Variants in AGBL1 observed in about 807,000 individuals in gnomAD.
AGBL1 encodes cytosolic carboxypeptidase 4.
A neutral mutation model predicts 118.9 loss-of-function variants in AGBL1; 130 were observed. The observed-to-expected ratio is 1.09, with a 90% CI of 0.95 to 1.26. AGBL1 has a LOEUF of 1.26. Ranked by LOEUF, AGBL1 falls within the 50% of genes most tolerant of loss-of-function variation. The pLI is 0.00. For synonymous variants in AGBL1, 555 were observed against 478.9 expected (o/e 1.16, Z -2.08); for missense variants, 1,584 against 1,298.1 (o/e 1.22, Z -3.38).
chr15:86,163,647 A>G (rs12901360), intron 5 of AGBL1, among the ~76,000 whole-genome samples: 152,188 of 152,192 alleles, frequency 1, 76,092 homozygotes, highest in Middle Eastern at 1. Context: ...AGAATCACTC[A>G]AACCCAGGAG....
intron 21 of AGBL1, among the ~76,000 whole-genome samples, chr15:86,671,734 A>G (rs2085749470): frequency 6.6e-6 from 1 of 152,202 alleles, no homozygotes; most frequent in Non-Finnish European, 1.5e-5. Context: ...ACCCAAACCC[A>G]GAGAAGTCAA....
intron 1 of AGBL1, among the ~76,000 whole-genome samples, chr15:86,121,642 G>A (rs1679335565): frequency 6.6e-6 from 1 of 152,200 alleles, no homozygotes; most frequent in African/African-American, 2.4e-5. Flanking sequence ...TTCATTTGGA[G>A]AATCCTCATG....
At chr15:86,916,831 C>T (rs1196212739), downstream of AGBL1, among the ~76,000 whole-genome samples, 1 of 152,204 alleles carries the variant, frequency 6.6e-6, no homozygotes, top group Admixed American at 6.5e-5. Flanking sequence ...AGGTGGCTCA[C>T]ACTAGCGTTC....
chr15:86,608,343 G>T (rs1173075707), intron 21 of AGBL1, among the ~76,000 whole-genome samples: 1 of 152,160 alleles, frequency 6.6e-6, no homozygotes, highest in Non-Finnish European at 1.5e-5. Flanking sequence ...AAGAGGGACT[G>T]CTCTTTGTCC....
chr15:86,713,278 GA>G (rs1196152455), intron 22 of AGBL1, among the ~76,000 whole-genome samples: 1 of 152,190 alleles, frequency 6.6e-6, no homozygotes, highest in African/African-American at 2.4e-5. Flanking sequence ...TTTTACTGGG[GA>G]AAAAAATGCT....
intron 4 of AGBL1, among the ~76,000 whole-genome samples, chr15:86,155,120 T>C (rs1235075871): frequency 1.3e-5 from 2 of 152,220 alleles, no homozygotes; most frequent in African/African-American, 4.8e-5. Flanking sequence ...CTAATTATCA[T>C]AGTAATTTTG....
rs529649562 is a variant in AGBL1 at position 86,768,322 on chromosome 15, C to T, written c.3158+93886C>T. On this transcript the variant is annotated intron_variant, in intron 22 of 22. Transcript: ENST00000614907. Reference sequence around the variant, plus strand: ...CATAACATAATATAACGTAATGTAACGTAACATAGCATAACATACTCATAA... The same window carrying T: ...CATAACATAATATAACGTAATGTAATGTAACATAGCATAACATACTCATAA... 3.9e-5 allele frequency among the ~76,000 whole-genome samples: 6 copies of T among 152,052 alleles called. No homozygotes were observed. The East Asian group carries it at 5.8e-4, about 15-fold the overall frequency.
chr15:86,322,521 A>G (rs553314619), intron 17 of AGBL1, among the ~76,000 whole-genome samples: 1 of 152,180 alleles, frequency 6.6e-6, no homozygotes, highest in South Asian at 2.1e-4. Context: ...TTCCAATTAG[A>G]TTATGTCTTT....
chr15:86,889,200 TTTTGAAGCA>T (rs1412759465), intron 22 of AGBL1, among the ~76,000 whole-genome samples: 1 of 151,982 alleles, frequency 6.6e-6, no homozygotes, highest in Non-Finnish European at 1.5e-5. Context: ...ATCTCTGTTG[TTTTGAAGCA>T]TATAAGATAG....
At chr15:86,638,095 T>C (rs186490832) in intron 21 of AGBL1, among the ~76,000 whole-genome samples, 145 of 152,284 alleles carry the variant, frequency 9.5e-4, no homozygotes, top group African/African-American at 3.1e-3. Flanking sequence ...TTCTTTCAAC[T>C]TGGCACAGGC....
intron 22 of AGBL1, among the ~76,000 whole-genome samples, chr15:86,685,594 G>C (rs1470238177): frequency 2.0e-5 from 3 of 152,108 alleles, no homozygotes; most frequent in Non-Finnish European, 4.4e-5. Flanking sequence ...GTGCCTGGAA[G>C]TGTGATAAAG....
chr15:86,159,537 T>C (rs1371918032), intron 5 of AGBL1, among the ~76,000 whole-genome samples: 1 of 152,138 alleles, frequency 6.6e-6, no homozygotes, highest in Non-Finnish European at 1.5e-5. Context: ...TGTGCTAGTC[T>C]TGAGATGTAT....
chr15:86,882,448 A>C (rs978976098), intron 22 of AGBL1, among the ~76,000 whole-genome samples: 6 of 152,172 alleles, frequency 3.9e-5, no homozygotes, highest in African/African-American at 1.4e-4. Context: ...CCCAGTAAAA[A>C]ATTGTCTGCC....
intron 5 of AGBL1, among the ~76,000 whole-genome samples, chr15:86,194,634 C>T: frequency 6.6e-6 from 1 of 152,134 alleles, no homozygotes; most frequent in Non-Finnish European, 1.5e-5. Flanking sequence ...CCTACGATAA[C>T]CTGGGTGATA....
At chr15:86,657,250 G>A (rs2085475503) in intron 21 of AGBL1, among the ~76,000 whole-genome samples, 1 of 152,164 alleles carries the variant, frequency 6.6e-6, no homozygotes, top group Non-Finnish European at 1.5e-5. Flanking sequence ...AAGTGCCGCG[G>A]GCTGACTGTG....
At chr15:86,162,947 T>C (rs965928818) in intron 5 of AGBL1, among the ~76,000 whole-genome samples, 3 of 152,198 alleles carry the variant, frequency 2.0e-5, no homozygotes, top group African/African-American at 7.2e-5. Context: ...AGGAATCTAC[T>C]CTCCTCAAAC....
intron 18 of AGBL1, among the ~76,000 whole-genome samples, chr15:86,467,923 T>C (rs1473568277): frequency 2.0e-5 from 3 of 152,156 alleles, no homozygotes; most frequent in Non-Finnish European, 4.4e-5. Context: ...GCTGTTTCTA[T>C]TTGGTCATCT....
intron 5 of AGBL1, among the ~76,000 whole-genome samples, chr15:86,187,068 G>T (rs948623893): frequency 6.6e-6 from 1 of 152,092 alleles, no homozygotes; most frequent in African/African-American, 2.4e-5. Flanking sequence ...CTGCTTCTTC[G>T]TTTTTGTGTT....
chr15:86,326,021 T>C (rs1327395984), intron 17 of AGBL1, among the ~76,000 whole-genome samples: 1 of 152,226 alleles, frequency 6.6e-6, no homozygotes, highest in Admixed American at 6.5e-5. Context: ...AAGTCTTTAA[T>C]AGACAATAAA....
Sources: gnomAD v4.1 joint callset for allele counts (sites outside exome capture counted in the v4.1 genomes callset) on GRCh38, gnomAD v4.1.1 for gene constraint, MANE v1.5 for transcripts, NCBI Gene and HGNC (gene_info 2026-07-23, HGNC 2026-07-21) for gene names.